SMOX: variants seen among roughly 807,000 people sequenced by gnomAD.
SMOX encodes the protein flavin containing amine oxidase.
A neutral mutation model predicts 51.0 loss-of-function variants in SMOX; 22 were observed. That is an observed-to-expected ratio of 0.43 (90% CI 0.31 to 0.62). The LOEUF is 0.62. SMOX is among the 20% of genes least tolerant of loss of function. The pLI is 0.10. For missense variants in SMOX, 566 were observed against 777.7 expected, an observed-to-expected ratio of 0.73 and a Z score of 3.24; for synonymous variants, 282 against 307.8, an observed-to-expected ratio of 0.92 and a Z score of 0.88.
intron 1 of SMOX, among the ~76,000 whole-genome samples, chr20:4,165,714 C>T (rs546874040): frequency 6.6e-6 from 1 of 152,202 alleles, no homozygotes; most frequent in East Asian, 1.9e-4. Context: ...GTGATTTTCC[C>T]CATTTGACAA....
intron 1 of SMOX, among the ~76,000 whole-genome samples, chr20:4,157,571 A>T (rs2122392374): frequency 6.6e-6 from 1 of 152,256 alleles, no homozygotes; most frequent in African/African-American, 2.4e-5. Flanking sequence ...GCCTGCGGGC[A>T]GGGAGGAGGC....
Position 4,183,995 on chromosome 20 carries a change from A to G in SMOX, c.1530+341A>G, listed in dbSNP as rs950069700. Among the ~76,000 whole-genome samples the G allele has an allele frequency of 1.3e-5, 2 of 150,596 alleles. No homozygotes were observed. The highest frequency in any genetic ancestry group is 4.9e-5 in the African/African-American group (2 of 40,918). ...TACAGTATTTTTTTTTTCTTTTTTGAGACAGGGTCTTGCTCTGTCTACACT... is the reference window on the plus strand; with the variant it reads ...TACAGTATTTTTTTTTTCTTTTTTGGGACAGGGTCTTGCTCTGTCTACACT... On this transcript the variant is annotated intron_variant, in intron 6 of 6. Coordinates refer to ENST00000305958, the MANE Select transcript of SMOX (RefSeq NM_175839.3). The surrounding 1 kb of genome is among the most constrained non-coding windows in gnomAD (Gnocchi z 4.3).
At position 4,181,922 on chromosome 20, in the gene SMOX, C is replaced by T. The variant is rs777935818; in HGVS notation, c.555C>T (p.Asp185=). 3.7e-5 allele frequency: 60 copies of T among 1,614,036 alleles called. 1 individual carries two copies. Among genetic ancestry groups the T allele is most frequent in the South Asian group, 2.3e-4 (21 of 91,082 alleles). Reference sequence around the variant, plus strand: ...GTAACCGCATCAGGAATGACCCTGACGACCCAGAGGCTACCAAGCGCCTGA... The same window carrying T: ...GTAACCGCATCAGGAATGACCCTGATGACCCAGAGGCTACCAAGCGCCTGA... The part of the protein sequence containing the change: ...EVRNRIRNDP[D]DPEATKRLKL... Residue 185 remains aspartate, a synonymous_variant, in exon 4 of 7, where the codon GAC becomes GAT. Coordinates refer to ENST00000305958, the MANE Select transcript of SMOX (RefSeq NM_175839.3). This position sits in a 1 kb window ranked among gnomAD's most constrained non-coding sequence, Gnocchi z 5.6.
At chr20:4,151,605 T>C (rs1186108192) in intron 1 of SMOX, among the ~76,000 whole-genome samples, 4 of 152,170 alleles carry the variant, frequency 2.6e-5, no homozygotes, top group East Asian at 1.9e-4. Context: ...TGCTATCTTT[T>C]CTGCCAGGAG....
Position 4,182,794 on chromosome 20 carries a change from T to C in SMOX, c.1315T>C (p.Cys439Arg). 1.4e-5 allele frequency: 21 copies of C among 1,495,956 alleles called. No individual in the cohort carries two copies. The South Asian group carries it at 3.0e-4, about 21-fold the overall frequency. The allele number at this position is 1,495,956 out of a possible 1,614,324, so 92.7% of individuals were successfully genotyped here. A position where few individuals can be genotyped will look rare whatever the true frequency, so the allele number is the denominator to read the frequency against. Residue 439 changes from cysteine to arginine, a missense_variant, in exon 5 of 7, where the codon TGT becomes CGT. By Grantham distance (180) the Cys-to-Arg change is radical. Transcript: ENST00000305958. This position sits in a 1 kb window ranked among gnomAD's most constrained non-coding sequence, Gnocchi z 8.4. ...CGEEALVMEK[C>R]DDEAVAEICT... ...GGAGGAGGCCCTCGTCATGGAGAAG[T>C]GTGATGACGAGGCAGTGGCCGAGAT...
rs1985606926 is a variant in SMOX, at chr20:4,149,326, C to T, written c.-27+349C>T. On this transcript the variant is annotated intron_variant, in intron 1 of 6. Transcript: ENST00000305958. The surrounding 1 kb of genome is among the most constrained non-coding windows in gnomAD (Gnocchi z 6.0). ...CCCCGGGCTACGTGCGGGAGGGGAG[C>T]GTCCCGGGCGCCCTGCAGGCGCGCT... 6.6e-6 allele frequency among the ~76,000 whole-genome samples: 1 copy of T among 151,528 alleles called. No individual in the cohort carries two copies. The highest frequency in any genetic ancestry group is 2.1e-4 in the South Asian group (1 of 4,814).
intron 1 of SMOX, among the ~76,000 whole-genome samples, chr20:4,158,048 C>T (rs1436441290): frequency 6.6e-6 from 1 of 150,432 alleles, no homozygotes; most frequent in Non-Finnish European, 1.5e-5. Context: ...CTACAGGCGC[C>T]CGCCACCACG....
Position 4,166,291 on chromosome 20 carries a change from T to C in SMOX, c.-26-8739T>C, listed in dbSNP as rs930210542. The stretch of plus-strand genomic sequence containing the variant: ...GTTCTGGCCCATCTCTACCTGTGTC[T>C]CTCTCTGATACTGTCATCAAGGCCC... On this transcript the variant is annotated intron_variant, in intron 1 of 6. Coordinates refer to ENST00000305958, the MANE Select transcript of SMOX (RefSeq NM_175839.3). The surrounding 1 kb of genome is among the most constrained non-coding windows in gnomAD (Gnocchi z 4.2). Among the ~76,000 whole-genome samples, 4 of 152,152 alleles carry C rather than the reference T, an allele frequency of 2.6e-5. No individual in the cohort carries two copies. The highest frequency in any genetic ancestry group is 7.2e-5 in the African/African-American group (3 of 41,422).
intron 1 of SMOX, among the ~76,000 whole-genome samples, chr20:4,169,891 G>C (rs927747259): frequency 6.6e-6 from 1 of 152,082 alleles, no homozygotes; most frequent in African/African-American, 2.4e-5. Context: ...CGGGGCTGGG[G>C]AGGCTCCAGA....
chr20:4,155,068 G>C (rs1012954074), intron 1 of SMOX, among the ~76,000 whole-genome samples: 2 of 152,092 alleles, frequency 1.3e-5, no homozygotes, highest in African/African-American at 4.8e-5. Context: ...CCCGGGGCAG[G>C]GTGACATGCA....
In SMOX at chr20:4,170,168, T is replaced by G. The variant is rs1600811298; in HGVS notation, c.-26-4862T>G. On this transcript the variant is annotated intron_variant, in intron 1 of 6. Coordinates refer to ENST00000305958, the MANE Select transcript of SMOX (RefSeq NM_175839.3). The surrounding 1 kb of genome is among the most constrained non-coding windows in gnomAD (Gnocchi z 4.6). ...ACATAGAGGAGGCGGGGTGGGGGGG[T>G]GCTTCTGGCGCAGTTGGGGGTGGAG... Among the ~76,000 whole-genome samples, 30 of 128,344 alleles carry G rather than the reference T, an allele frequency of 2.3e-4. No individual in the cohort carries two copies. The highest frequency in any genetic ancestry group is 3.2e-4 in the African/African-American group (11 of 34,172). 84.2% of individuals were successfully genotyped at this position (128,344 alleles called of 152,430 possible).
Position 4,149,453 on chromosome 20 carries a change from C to T in SMOX, c.-27+476C>T, listed in dbSNP as rs528317213. Among the ~76,000 whole-genome samples the T allele has an allele frequency of 6.6e-4, 100 of 152,142 alleles. No homozygotes were observed. The highest frequency in any genetic ancestry group is 1.2e-3 in the Non-Finnish European group (82 of 67,962). ...GACAGAAGGCTCCCGGGTGATGGCC[C>T]GAACGCCAGGAGAGGCTGTGCTGAC... On this transcript the variant is annotated intron_variant, in intron 1 of 6. Transcript: ENST00000305958. This position sits in a 1 kb window ranked among gnomAD's most constrained non-coding sequence, Gnocchi z 6.0.
intron 1 of SMOX, among the ~76,000 whole-genome samples, chr20:4,163,473 C>T (rs1396938883): frequency 6.6e-6 from 1 of 152,212 alleles, no homozygotes; most frequent in Non-Finnish European, 1.5e-5. Context: ...TCTGGGGAGT[C>T]TCTGGGGAGA....
In SMOX at chr20:4,181,263, G is replaced by A. The variant is rs1289303087; in HGVS notation, c.436-540G>A. 6.6e-6 allele frequency among the ~76,000 whole-genome samples: 1 copy of A among 152,286 alleles called. No homozygotes were observed. The highest frequency in any genetic ancestry group is 1.9e-4 in the East Asian group (1 of 5,178). ...CTCGTGGCTGAGGCCTGAAGCAAAG[G>A]GGGTGCTTTGTACGGAGCTGCACAG... is the stretch of plus-strand genomic sequence containing the variant. On this transcript the variant is annotated intron_variant, in intron 3 of 6. Transcript: ENST00000305958. This position sits in a 1 kb window ranked among gnomAD's most constrained non-coding sequence, Gnocchi z 5.6.
rs11087622 is a variant in SMOX, at chr20:4,166,428, G to T, written c.-26-8602G>T. Among the ~76,000 whole-genome samples, 47,940 of 151,946 alleles carry T rather than the reference G, an allele frequency of 0.32. 9,412 individuals carry two copies. The highest frequency in any genetic ancestry group is 0.44 in the Non-Finnish European group (29,690 of 67,938). On this transcript the variant is annotated intron_variant, in intron 1 of 6. Transcript: ENST00000305958. This position sits in a 1 kb window ranked among gnomAD's most constrained non-coding sequence, Gnocchi z 4.2. The stretch of plus-strand genomic sequence containing the variant: ...AGTGGTGTGATCATGGTTCACTGTA[G>T]CCTCGACTTCCTAGACTGAAGCAAT...
chr20:4,171,315 G>A (rs1229122085), intron 1 of SMOX, among the ~76,000 whole-genome samples: 6 of 152,260 alleles, frequency 3.9e-5, no homozygotes, highest in Admixed American at 6.5e-5. Flanking sequence ...GAAAGGAAAC[G>A]ATGACACAAA....
In SMOX at chr20:4,187,311, G is replaced by GT; in HGVS notation, c.1573dup (p.Tyr525LeufsTer15). 1 of 1,614,224 alleles carries GT rather than the reference G, an allele frequency of 6.2e-7. No individual in the cohort carries two copies. Among genetic ancestry groups the GT allele is most frequent in the Non-Finnish European group, 8.5e-7 (1 of 1,180,032 alleles). On this transcript the variant is annotated frameshift_variant, in exon 7 of 7. Transcript: ENST00000305958. LOFTEE classifies it high-confidence loss of function. This position sits in a 1 kb window ranked among gnomAD's most constrained non-coding sequence, Gnocchi z 4.8. Reference sequence around the variant, plus strand: ...TTTCCGGTGAGGCCACCCACCGCAAGTACTATTCCACCACCCACGGTGCTC... The same window carrying GT: ...TTTCCGGTGAGGCCACCCACCGCAAGTTACTATTCCACCACCCACGGTGCTC...
chr20:4,158,234 G>A (rs758486173), intron 1 of SMOX, among the ~76,000 whole-genome samples: 5 of 152,148 alleles, frequency 3.3e-5, no homozygotes, highest in African/African-American at 4.8e-5. Context: ...GAGGAGCTAC[G>A]GTGGTGCGTG....
rs983655726 is a variant in SMOX, at chr20:4,181,559, G to T, written c.436-244G>T. ...ATGTTTCACATTGTCCTAAGTGAGG[G>T]CCCAGCAAGAAAACCTCCGGGGCTT... On this transcript the variant is annotated intron_variant, in intron 3 of 6. Coordinates refer to ENST00000305958, the MANE Select transcript of SMOX (RefSeq NM_175839.3). The surrounding 1 kb of genome is among the most constrained non-coding windows in gnomAD (Gnocchi z 5.6). Among the ~76,000 whole-genome samples, 9 of 152,168 alleles carry T rather than the reference G, an allele frequency of 5.9e-5. No homozygotes were observed. The highest frequency in any genetic ancestry group is 2.2e-4 in the African/African-American group (9 of 41,442).
Sources: allele counts gnomAD v4.1 joint callset (sites outside exome capture counted in the v4.1 genomes callset), GRCh38; gene constraint gnomAD v4.1.1; non-coding constraint Gnocchi (gnomAD v3.1); transcripts MANE v1.5; gene names NCBI Gene and HGNC (gene_info 2026-07-23, HGNC 2026-07-21).